Variants in MOB1A observed in about 807,000 individuals in gnomAD.
The protein encoded by MOB1A is MOB1 Mps One Binder homolog A.
MOB1A carries 10 observed loss-of-function variants against 25.1 expected under a neutral mutation model. The ratio of observed to expected loss-of-function variants is 0.40; its 90% confidence interval spans 0.25 to 0.68. The LOEUF (loss-of-function observed/expected upper bound fraction) is 0.68, where lower values mean the gene tolerates loss of function less well. Among genes scored for constraint, MOB1A ranks in the 30% least tolerant of loss-of-function variants. The probability of loss-of-function intolerance (pLI) is 0.40; values close to 1 mark genes in which losing one functional copy is unlikely to be tolerated. For synonymous variants in MOB1A, 81 were observed against 79.5 expected (o/e 1.02, Z -0.10); for missense variants, 177 against 256.3 (o/e 0.69, Z 2.11).
chr2:74,164,643 G>A (rs941879255), intron 4 of MOB1A: 4 of 152,096 alleles, frequency 2.6e-5, no homozygotes, highest in African/African-American at 9.7e-5. Context: ...AAATAGTAAG[G>A]TTGTGTACAG....
At position 74,152,884 on chromosome 2, in the gene MOB1A, GATA is replaced by G. The variant is rs1168180121; in HGVS notation, c.*3681_*3683del. 2 of 152,180 alleles carry G rather than the reference GATA, an allele frequency of 1.3e-5. No individual in the cohort carries two copies. The highest frequency in any genetic ancestry group is 4.8e-5 in the African/African-American group (2 of 41,444). The allele number at this position is 152,180 out of a possible 1,614,324, so 9.4% of individuals were successfully genotyped here. ...AGAATACTTGTTTGGAACAGAATCT[GATA>G]ATGAGAGAAAACTCAAATGAATGTC... On this transcript the variant is annotated 3_prime_UTR_variant, in exon 6 of 6. Coordinates refer to ENST00000396049, the MANE Select transcript of MOB1A (RefSeq NM_018221.5).
chr2:74,177,359 T>TA (rs1455713761), intron 1 of MOB1A, among the ~76,000 whole-genome samples: 31 of 149,188 alleles, frequency 2.1e-4, no homozygotes, highest in South Asian at 4.3e-4. Context: ...TCTCAAAAAA[T>TA]AAAAAAAAAG....
chr2:74,152,610 T>A lies in MOB1A; in HGVS notation c.*3958A>T, dbSNP rs1481987075. On this transcript the variant is annotated 3_prime_UTR_variant, in exon 6 of 6. Coordinates refer to ENST00000396049, the MANE Select transcript of MOB1A (RefSeq NM_018221.5). Reference sequence around the variant, plus strand: ...AATCAGTCATTTCTTGCTTTCAATATATTTTATTCTGACGAAGTTACAAAA... The same window carrying A: ...AATCAGTCATTTCTTGCTTTCAATAAATTTTATTCTGACGAAGTTACAAAA... 7.2e-5 allele frequency: 11 copies of A among 152,250 alleles called. No homozygotes were observed. The highest frequency in any genetic ancestry group is 2.7e-4 in the African/African-American group (11 of 41,464). 9.4% of individuals were successfully genotyped at this position (152,250 alleles called of 1,614,324 possible). A position where few individuals can be genotyped will look rare whatever the true frequency, so the allele number is the denominator to read the frequency against.
In MOB1A at chr2:74,178,600, G is replaced by C. The variant is rs540329513; in HGVS notation, c.14+61C>G. 10 of 1,293,198 alleles carry C rather than the reference G, an allele frequency of 7.7e-6. No individual in the cohort carries two copies. In the East Asian group the frequency reaches 2.5e-4, roughly 32 times the overall value. 80.1% of individuals were successfully genotyped at this position (1,293,198 alleles called of 1,614,324 possible). On this transcript the variant is annotated intron_variant, in intron 1 of 5. Transcript: ENST00000396049. Reference sequence around the variant, plus strand: ...AGGCCGAGCCCTCGCCTCAGGTCCGGGGAGGCCTCCCCCACAACCTCGGCC... The same window carrying C: ...AGGCCGAGCCCTCGCCTCAGGTCCGCGGAGGCCTCCCCCACAACCTCGGCC...
At position 74,178,848 on chromosome 2, in the gene MOB1A, T is replaced by TGCCCGCCTA. The variant is rs1479975968; in HGVS notation, c.-183_-175dup. 1 of 397,996 alleles carries TGCCCGCCTA rather than the reference T, an allele frequency of 2.5e-6. No individual in the cohort carries two copies. Among genetic ancestry groups the TGCCCGCCTA allele is most frequent in the African/African-American group, 2.1e-5 (1 of 48,364 alleles). The allele number at this position is 397,996 out of a possible 1,614,324, so 24.7% of individuals were successfully genotyped here. ...CCTTTGCAAACCTCGGCGCCCGCCT[T>TGCCCGCCTA]GCCCGCCTACCCCACCTCGCAGACC... On this transcript the variant is annotated 5_prime_UTR_variant, in exon 1 of 6. Transcript: ENST00000396049.
chr2:74,157,580 G>A (rs13394719), intron 5 of MOB1A, among the ~76,000 whole-genome samples: 16,073 of 152,104 alleles, frequency 0.11, 2,864 homozygotes, highest in African/African-American at 0.37. Flanking sequence ...GTGGGACTGA[G>A]CTCTCAAACT....
chr2:74,159,013 C>T (rs983055226), intron 5 of MOB1A, 78 bp downstream of exon 5: 10 of 1,410,580 alleles, frequency 7.1e-6, no homozygotes, highest in African/African-American at 4.3e-5. Context: ...ATAACTAAGA[C>T]ACACAGCTCT....
At chr2:74,159,368 T>G (rs1178563036) in intron 4 of MOB1A, 114 bp from the exon 5 acceptor site, 2 of 922,702 alleles carry the variant, frequency 2.2e-6, no homozygotes, top group Admixed American at 4.7e-5. Flanking sequence ...CTCAGCTCAC[T>G]GCAGCCTCGA....
At chr2:74,177,473 G>T (rs1693508224) in intron 1 of MOB1A, among the ~76,000 whole-genome samples, 1 of 152,180 alleles carries the variant, frequency 6.6e-6, no homozygotes, top group Admixed American at 6.5e-5. Flanking sequence ...TATTAATATG[G>T]AAGTTAAATC....
At chr2:74,170,373 G>A (rs554457693) in intron 2 of MOB1A, among the ~76,000 whole-genome samples, 2 of 151,782 alleles carry the variant, frequency 1.3e-5, no homozygotes, top group Non-Finnish European at 2.9e-5. Flanking sequence ...TCCTGACCTC[G>A]TGATCCGCCT....
Position 74,153,571 on chromosome 2 carries a change from G to C in MOB1A, c.*2997C>G, listed in dbSNP as rs1211299207. 1 of 152,180 alleles carries C rather than the reference G, an allele frequency of 6.6e-6. No individual in the cohort carries two copies. Among genetic ancestry groups the C allele is most frequent in the African/African-American group, 2.4e-5 (1 of 41,440 alleles). The allele number at this position is 152,180 out of a possible 1,614,324, so 9.4% of individuals were successfully genotyped here. A position where few individuals can be genotyped will look rare whatever the true frequency, so the allele number is the denominator to read the frequency against. ...AAAATCACTTTATTCACAATCTGAA[G>C]AATGAAAGACAAATTTGGCTGTCAA... is the stretch of plus-strand genomic sequence containing the variant. On this transcript the variant is annotated 3_prime_UTR_variant, in exon 6 of 6. Transcript: ENST00000396049.
At chr2:74,177,238 G>A (rs1205029095) in intron 1 of MOB1A, among the ~76,000 whole-genome samples, 2 of 151,876 alleles carry the variant, frequency 1.3e-5, no homozygotes, top group Admixed American at 6.6e-5. Flanking sequence ...GCTTGAACCC[G>A]GGAGGCAGAG....
chr2:74,176,370 T>A (rs536435237), intron 1 of MOB1A, among the ~76,000 whole-genome samples: 1 of 146,104 alleles, frequency 6.8e-6, no homozygotes, highest in South Asian at 2.2e-4. Flanking sequence ...AAAAAAACTA[T>A]ATTGAACAAG....
intron 2 of MOB1A, among the ~76,000 whole-genome samples, chr2:74,168,713 A>G (rs967073670): frequency 1.3e-5 from 2 of 152,242 alleles, no homozygotes; most frequent in Admixed American, 1.3e-4. Flanking sequence ...CAAGTTTCTT[A>G]AAAAACAAAT....
intron 4 of MOB1A, among the ~76,000 whole-genome samples, chr2:74,162,315 T>C (rs1482081563): frequency 6.6e-6 from 1 of 152,082 alleles, no homozygotes; most frequent in Non-Finnish European, 1.5e-5. Flanking sequence ...ACCCTGTCTC[T>C]ACCTAAAACT....
At chr2:74,157,293 C>T (rs187680539) in intron 5 of MOB1A, among the ~76,000 whole-genome samples, 2 of 152,102 alleles carry the variant, frequency 1.3e-5, no homozygotes, top group African/African-American at 2.4e-5. Flanking sequence ...GATAGCTGAA[C>T]ACGTGGAGGT....
At chr2:74,159,039 A>G (rs1692884081) in intron 5 of MOB1A, 52 bp downstream of exon 5, 1 of 1,583,206 alleles carries the variant, frequency 6.3e-7, no homozygotes, top group Non-Finnish European at 8.6e-7. Context: ...GAAGTTCCCA[A>G]TCCAAATAAG....
chr2:74,161,630 C>T (rs1692975174), intron 4 of MOB1A, among the ~76,000 whole-genome samples: 1 of 148,782 alleles, frequency 6.7e-6, no homozygotes. Context: ...GCCTGGGCAA[C>T]AGAGTGAGAC....
At chr2:74,174,012 T>C (rs1368965164) in intron 1 of MOB1A, among the ~76,000 whole-genome samples, 1 of 148,112 alleles carries the variant, frequency 6.8e-6, no homozygotes, top group African/African-American at 2.5e-5. Context: ...CTCACACCTG[T>C]AATCCCAGCA....
Sources: gnomAD v4.1 joint callset for allele counts (sites outside exome capture counted in the v4.1 genomes callset) on GRCh38, gnomAD v4.1.1 for gene constraint, MANE v1.5 for transcripts, NCBI Gene and HGNC (gene_info 2026-07-23, HGNC 2026-07-21) for gene names.